COL14A1: variants seen among roughly 807,000 people sequenced by gnomAD.
COL14A1 encodes the protein collagen type XIV alpha 1 chain.
Under a neutral mutation model 230.3 loss-of-function variants are expected in COL14A1, and 136 were observed. The observed-to-expected ratio is 0.59, with a 90% confidence interval of 0.51 to 0.68. The LOEUF (loss-of-function observed/expected upper bound fraction) is 0.68. COL14A1 is among the 30% of genes least tolerant of loss of function. The probability of loss-of-function intolerance (pLI) is 0.00; values close to 1 mark genes in which losing one functional copy is unlikely to be tolerated. For synonymous variants in COL14A1, 792 were observed against 784.1 expected (o/e 1.01, Z -0.17); for missense variants, 1,976 against 2,215.8 (o/e 0.89, Z 2.17).
In COL14A1 at chr8:120,149,686, CA is replaced by C. The variant is rs1292526196; in HGVS notation, c.88+1757del. On this transcript the variant is annotated intron_variant, in intron 2 of 47. Transcript: ENST00000297848. The stretch of plus-strand genomic sequence containing the variant: ...TATTGTTAGCCAAATTCTGTTTTTT[CA>C]TTTTTTTTTTTTTTTTTGAGACGGA... Among the ~76,000 whole-genome samples the C allele has an allele frequency of 1.6e-3, 174 of 110,186 alleles. 1 individual carries two copies. The highest frequency in any genetic ancestry group is 6.7e-4 in the Non-Finnish European group (37 of 55,042). The allele number at this position is 110,186 out of a possible 152,430, so 72.3% of individuals were successfully genotyped here.
At chr8:120,249,102 T>TG (rs900419866) in intron 21 of COL14A1, among the ~76,000 whole-genome samples, 1 of 148,492 alleles carries the variant, frequency 6.7e-6, no homozygotes, top group African/African-American at 2.5e-5. Flanking sequence ...AATTTTTTTT[T>TG]TTTTTTTTTA....
At chr8:120,288,147 A>T (rs1246615166) in intron 33 of COL14A1, among the ~76,000 whole-genome samples, 4 of 152,122 alleles carry the variant, frequency 2.6e-5, no homozygotes, top group Non-Finnish European at 4.4e-5. Flanking sequence ...ATAATATTGG[A>T]AAGTGTTCTA....
chr8:120,367,786 A>G (rs1420499663), intron 46 of COL14A1, among the ~76,000 whole-genome samples: 1 of 151,822 alleles, frequency 6.6e-6, no homozygotes, highest in East Asian at 1.9e-4. Context: ...AAAAAAAAAA[A>G]TACAAAAATT....
chr8:120,277,982 A>G (rs936669324), intron 26 of COL14A1, 129 bp from the exon 27 acceptor site: 7 of 873,188 alleles, frequency 8.0e-6, no homozygotes, highest in Non-Finnish European at 1.1e-5. Context: ...TATGAAAGAA[A>G]TTTTAATCCA....
intron 24 of COL14A1, among the ~76,000 whole-genome samples, chr8:120,265,962 T>TATCG (rs572232005): frequency 2.9e-4 from 44 of 152,194 alleles, no homozygotes; most frequent in African/African-American, 9.9e-4. Context: ...TGGTGCTTAG[T>TATCG]ATCGCCTGAG....
At chr8:120,145,236 C>A (rs1226661160) in intron 1 of COL14A1, among the ~76,000 whole-genome samples, 1 of 152,094 alleles carries the variant, frequency 6.6e-6, no homozygotes, top group African/African-American at 2.4e-5. Context: ...AGTGTTGTGA[C>A]CTGGTGTTCA....
At position 120,371,219 on chromosome 8, in the gene COL14A1, C is replaced by T. The variant is rs752900333; in HGVS notation, c.5379C>T (p.Gly1793=). ...AGCTGGAAGCCATGGAACTGTGGGG[C>T]CCTGGAGTCTGATAGCCTCAGGAGA... ...QDELEAMELW[G]PGV The change falls in exon 48 of 48, where the codon GGC becomes GGT. Residue 1793 remains glycine, a synonymous_variant. Transcript: ENST00000297848. 6.2e-7 allele frequency: 1 copy of T among 1,610,582 alleles called. No homozygotes were observed. The highest frequency in any genetic ancestry group is 1.1e-5 in the South Asian group (1 of 90,610).
At chr8:120,158,613 C>A (rs1193022070) in intron 3 of COL14A1, among the ~76,000 whole-genome samples, 1 of 152,042 alleles carries the variant, frequency 6.6e-6, no homozygotes, top group Non-Finnish European at 1.5e-5. Flanking sequence ...TAATATTCAG[C>A]ATTATACATT....
Position 120,371,318 on chromosome 8 carries a change from C to T in COL14A1, c.*87C>T. The T allele has an allele frequency of 2.0e-6, 2 of 977,768 alleles. No individual in the cohort carries two copies. Among genetic ancestry groups the T allele is most frequent in the Admixed American group, 4.2e-5 (2 of 47,810 alleles). 60.6% of individuals were successfully genotyped at this position (977,768 alleles called of 1,614,324 possible). On this transcript the variant is annotated 3_prime_UTR_variant, in exon 48 of 48. Coordinates refer to ENST00000297848, the MANE Select transcript of COL14A1 (RefSeq NM_021110.4). ...ATGTTGTTATGTGGTTTGTATGCTA[C>T]TTTTGGGGGGCAGGGCTCATTTCAG... is the stretch of plus-strand genomic sequence containing the variant.
chr8:120,198,291 A>G (rs1472801484), intron 7 of COL14A1, among the ~76,000 whole-genome samples: 1 of 152,176 alleles, frequency 6.6e-6, no homozygotes, highest in Non-Finnish European at 1.5e-5. Context: ...TCTTATTTTC[A>G]AAGAAGATAT....
intron 24 of COL14A1, among the ~76,000 whole-genome samples, chr8:120,263,566 G>A (rs1819408484): frequency 6.6e-6 from 1 of 152,198 alleles, no homozygotes; most frequent in South Asian, 2.1e-4. Context: ...CAAGGAGAGT[G>A]TCAACTTCTT....
chr8:120,189,947 G>A (rs560064087), intron 5 of COL14A1, among the ~76,000 whole-genome samples: 11 of 151,268 alleles, frequency 7.3e-5, no homozygotes, highest in East Asian at 5.8e-4. Flanking sequence ...ATAAACATAC[G>A]TGTGCATGTG....
At chr8:120,347,876 G>A (rs956463180) in intron 45 of COL14A1, among the ~76,000 whole-genome samples, 1 of 152,026 alleles carries the variant, frequency 6.6e-6, no homozygotes, top group Admixed American at 6.6e-5. Flanking sequence ...CTATTACCAG[G>A]CAGTGTATGT....
At chr8:120,151,639 C>CAAAAAAAAAAAAAAA (rs59123417) in intron 2 of COL14A1, among the ~76,000 whole-genome samples, 1 of 78,606 alleles carries the variant, frequency 1.3e-5, no homozygotes, top group Non-Finnish European at 2.3e-5. Context: ...GACTCCGTCT[C>CAAAAAAAAAAAAAAA]AAAAAAAAAA....
chr8:120,220,269 T>C (rs1352724984), intron 14 of COL14A1, among the ~76,000 whole-genome samples: 1 of 140,218 alleles, frequency 7.1e-6, no homozygotes, highest in Non-Finnish European at 1.5e-5. Context: ...GTACCCAACA[T>C]GCAATTGATT....
At chr8:120,241,103 G>A (rs1818594237) in intron 19 of COL14A1, among the ~76,000 whole-genome samples, 3 of 152,214 alleles carry the variant, frequency 2.0e-5, no homozygotes, top group Admixed American at 1.3e-4. Flanking sequence ...TACTCAAAGT[G>A]TGACTCAGTC....
intron 12 of COL14A1, among the ~76,000 whole-genome samples, chr8:120,211,447 T>C (rs1441652862): frequency 6.6e-6 from 1 of 152,230 alleles, no homozygotes; most frequent in African/African-American, 2.4e-5. Context: ...CAGGATCATA[T>C]ATTGTTTATA....
In COL14A1 at chr8:120,281,783, CT is replaced by C. The variant is rs1372188601; in HGVS notation, c.3824+725del. ...TGGCAATGTTGGAATTTATATCCAGCTATCAAGCTCCAGTGCTCAGATCCTG... is the reference window on the plus strand; with the variant it reads ...TGGCAATGTTGGAATTTATATCCAGCATCAAGCTCCAGTGCTCAGATCCTG... On this transcript the variant is annotated intron_variant, in intron 31 of 47. Coordinates refer to ENST00000297848, the MANE Select transcript of COL14A1 (RefSeq NM_021110.4). Among the ~76,000 whole-genome samples, 3 of 152,220 alleles carry C rather than the reference CT, an allele frequency of 2.0e-5. No individual in the cohort carries two copies. The East Asian group carries it at 5.8e-4, about 29-fold the overall frequency.
In COL14A1 at chr8:120,342,419, C is replaced by T. The variant is rs551717415; in HGVS notation, c.4861C>T (p.Arg1621Cys). The T allele has an allele frequency of 6.3e-5, 101 of 1,613,884 alleles. No individual in the cohort carries two copies. Among genetic ancestry groups the T allele is most frequent in the South Asian group, 3.6e-4 (33 of 91,058 alleles). ...TCAAGCCATGGTGAGATCAGTGGCG[C>T]GTCAAGTATGCGAACAGCTCATCCA... Reference protein sequence around the residue: ...QSQAMVRSVARQVCEQLIQSH... With the variant: ...QSQAMVRSVACQVCEQLIQSH... The change falls in exon 44 of 48, where the codon CGT becomes TGT. Residue 1621 changes from arginine (R) to cysteine (C), a missense_variant. This residue lies in a region of COL14A1 where 1,791 missense variants were observed against 2,019.5 expected (regional missense o/e 0.89). Coordinates refer to ENST00000297848, the MANE Select transcript of COL14A1 (RefSeq NM_021110.4).
Sources: gnomAD v4.1 joint callset for allele counts (sites outside exome capture counted in the v4.1 genomes callset) on GRCh38, gnomAD v4.1.1 for gene constraint, gnomAD v4.1.1 regional missense constraint, MANE v1.5 for transcripts, NCBI Gene and HGNC (gene_info 2026-07-23, HGNC 2026-07-21) for gene names.